Variants in IL1RAPL2 observed in about 807,000 individuals in gnomAD.
IL1RAPL2 encodes the protein interleukin 1 receptor accessory protein like 2, also known as X-linked interleukin-1 receptor accessory protein-like 2.
In IL1RAPL2, 3 loss-of-function variants were observed where a neutral mutation model predicts 44.1. That is an observed-to-expected ratio of 0.07 (90% confidence interval 0.03 to 0.18). The LOEUF is 0.18. IL1RAPL2 is among the 10% of genes least tolerant of loss of function. The pLI is 1.00. For synonymous variants in IL1RAPL2, 181 were observed against 178.8 expected (o/e 1.01, Z -0.10); for missense variants, 391 against 496.4 (o/e 0.79, Z 2.02).
chrX:105,486,689 C>G (rs965878126), intron 6 of IL1RAPL2, among the ~76,000 whole-genome samples: 1 of 110,562 alleles, frequency 9.0e-6, no homozygotes, highest in Non-Finnish European at 1.9e-5. Context: ...AAATTGATTT[C>G]ATTTGGTATG....
intron 6 of IL1RAPL2, among the ~76,000 whole-genome samples, chrX:105,700,770 A>G (rs1033142702): frequency 8.9e-6 from 1 of 111,920 alleles, no homozygotes; most frequent in Non-Finnish European, 1.9e-5. Context: ...TTTATTTCAT[A>G]GAGAAATATG....
Position 104,673,739 on chromosome X carries a change from G to A in IL1RAPL2, c.82+14744G>A, listed in dbSNP as rs1252320870. On this transcript the variant is annotated intron_variant, in intron 2 of 10. Coordinates refer to ENST00000372582, the MANE Select transcript of IL1RAPL2 (RefSeq NM_017416.2). ...TTCTTCCTACCCATGAGCATGGAAT[G>A]TTCTTCCATTTGTTTGTATCCTCTT... 2.8e-5 allele frequency among the ~76,000 whole-genome samples: 3 copies of A among 108,717 alleles called. No individual in the cohort carries two copies. In the Admixed American group the frequency reaches 2.9e-4, roughly 11 times the overall value. 94.4% of individuals were successfully genotyped at this position (108,717 alleles called of 115,157 possible). A position where few individuals can be genotyped will look rare whatever the true frequency, so the allele number is the denominator to read the frequency against.
At chrX:105,153,872 A>T (rs1602981438) in intron 2 of IL1RAPL2, among the ~76,000 whole-genome samples, 1 of 111,138 alleles carries the variant, frequency 9.0e-6, no homozygotes, top group Admixed American at 9.6e-5. Context: ...GACTTCAGAG[A>T]GAATAGATGG....
intron 2 of IL1RAPL2, among the ~76,000 whole-genome samples, chrX:105,100,450 C>T (rs2032658108): frequency 2.7e-5 from 3 of 111,787 alleles, no homozygotes; most frequent in African/African-American, 9.8e-5. Flanking sequence ...GGTCTGGTGA[C>T]CTCAGTTTGG....
At chrX:105,317,432 C>T (rs1469095211) in intron 5 of IL1RAPL2, among the ~76,000 whole-genome samples, 1 of 112,004 alleles carries the variant, frequency 8.9e-6, no homozygotes, top group East Asian at 2.8e-4. Context: ...TCAACCTAAA[C>T]CACAATATTT....
At chrX:105,262,082 C>T (rs1476575942) in intron 4 of IL1RAPL2, among the ~76,000 whole-genome samples, 3 of 112,099 alleles carry the variant, frequency 2.7e-5, no homozygotes, top group Non-Finnish European at 5.6e-5. Flanking sequence ...GTTGCTGGCT[C>T]GTGCAGCTGC....
At chrX:104,579,585 C>T (rs1031184461) in intron 1 of IL1RAPL2, among the ~76,000 whole-genome samples, 2 of 111,358 alleles carry the variant, frequency 1.8e-5, no homozygotes, top group Non-Finnish European at 3.8e-5. Context: ...AGGCGAGCAA[C>T]ACCCGCTGGG....
intron 3 of IL1RAPL2, among the ~76,000 whole-genome samples, chrX:105,213,646 C>T (rs1556161004): frequency 2.7e-5 from 3 of 110,504 alleles, no homozygotes; most frequent in South Asian, 3.9e-4. Context: ...AGATACTCTT[C>T]GAGAAGAGTA....
At chrX:104,930,847 A>T (rs1924880861) in intron 2 of IL1RAPL2, among the ~76,000 whole-genome samples, 1 of 111,553 alleles carries the variant, frequency 9.0e-6, no homozygotes, top group African/African-American at 3.3e-5. Flanking sequence ...TTTACAGATG[A>T]AGAAACTGAG....
intron 1 of IL1RAPL2, among the ~76,000 whole-genome samples, chrX:104,612,386 A>G (rs1361293113): frequency 8.9e-6 from 1 of 112,056 alleles, no homozygotes; most frequent in African/African-American, 3.2e-5. Context: ...GTCCAGTTTC[A>G]TTCTTCTGCA....
intron 2 of IL1RAPL2, among the ~76,000 whole-genome samples, chrX:104,832,914 T>G (rs1443579818): frequency 2.7e-5 from 3 of 111,442 alleles, no homozygotes; most frequent in Admixed American, 9.7e-5. Context: ...TTCATCTTAC[T>G]CCGTTTTTGT....
At chrX:105,220,883 A>C (rs2033956033) in intron 3 of IL1RAPL2, among the ~76,000 whole-genome samples, 1 of 111,813 alleles carries the variant, frequency 8.9e-6, no homozygotes, top group African/African-American at 3.3e-5. Context: ...AGAACCAAGA[A>C]AATTAAGCCC....
chrX:105,078,848 C>G, intron 2 of IL1RAPL2, among the ~76,000 whole-genome samples: 1 of 112,809 alleles, frequency 8.9e-6, no homozygotes, highest in South Asian at 3.7e-4. Flanking sequence ...GGGATATAAT[C>G]TCCTGGTGTG....
chrX:105,709,761 C>T (rs1036782658), intron 6 of IL1RAPL2, among the ~76,000 whole-genome samples: 6 of 111,315 alleles, frequency 5.4e-5, no homozygotes, highest in Non-Finnish European at 1.1e-4. Context: ...AGACTCTGAG[C>T]CACACTCCTT....
chrX:104,874,990 T>A (rs1263350214), intron 2 of IL1RAPL2, among the ~76,000 whole-genome samples: 1 of 111,674 alleles, frequency 9.0e-6, no homozygotes, highest in Non-Finnish European at 1.9e-5. Context: ...GATCATTTTC[T>A]ATGGTGAATT....
chrX:105,504,142 G>T (rs994794574), intron 6 of IL1RAPL2, among the ~76,000 whole-genome samples: 1 of 111,669 alleles, frequency 9.0e-6, no homozygotes, highest in African/African-American at 3.2e-5. Flanking sequence ...TAAGAAGTTT[G>T]CTGAGCTAAA....
intron 7 of IL1RAPL2, among the ~76,000 whole-genome samples, chrX:105,725,787 G>A (rs1049737781): frequency 9.0e-6 from 1 of 111,632 alleles, no homozygotes; most frequent in Non-Finnish European, 1.9e-5. Context: ...CTTCAAAAAA[G>A]TATTTTCCTT....
At chrX:105,076,615 G>A (rs1046647587) in intron 2 of IL1RAPL2, among the ~76,000 whole-genome samples, 2 of 110,972 alleles carry the variant, frequency 1.8e-5, no homozygotes, top group East Asian at 2.8e-4. Context: ...TTTCTGTCTC[G>A]TTGATCTGTC....
intron 6 of IL1RAPL2, among the ~76,000 whole-genome samples, chrX:105,551,967 G>A (rs891712482): frequency 7.2e-5 from 8 of 110,496 alleles, no homozygotes; most frequent in Non-Finnish European, 1.3e-4. Flanking sequence ...TTAGCTGGGC[G>A]TGGTGGCGGG....
Sources: gnomAD v4.1 joint callset for allele counts (sites outside exome capture counted in the v4.1 genomes callset) on GRCh38, gnomAD v4.1.1 for gene constraint, MANE v1.5 for transcripts, NCBI Gene and HGNC (gene_info 2026-07-23, HGNC 2026-07-21) for gene names.